The following SNTB1 variants were observed in gnomAD, a reference collection of about 807,000 sequenced individuals.
SNTB1 encodes the protein beta-1-syntrophin.
SNTB1 carries 36 observed loss-of-function variants against 48.9 expected under a neutral mutation model. That is an observed-to-expected ratio of 0.74 (90% CI 0.56 to 0.97). The LOEUF (loss-of-function observed/expected upper bound fraction) is 0.97. Ranked by LOEUF, SNTB1 falls within the 50% of genes least tolerant of loss-of-function variation. The pLI is 0.00. For synonymous variants in SNTB1, 299 were observed against 294.6 expected (o/e 1.01, Z -0.15); for missense variants, 786 against 703.4 (o/e 1.12, Z -1.33).
chr8:120,633,747 C>T (rs1177247314), intron 2 of SNTB1, among the ~76,000 whole-genome samples: 1 of 152,154 alleles, frequency 6.6e-6, no homozygotes, highest in Non-Finnish European at 1.5e-5. Context: ...AAATTCTCAA[C>T]AGATACTTTA....
At chr8:120,767,611 A>G (rs889031350) in intron 1 of SNTB1, among the ~76,000 whole-genome samples, 1 of 152,182 alleles carries the variant, frequency 6.6e-6, no homozygotes, top group Non-Finnish European at 1.5e-5. Context: ...TCTGACACTC[A>G]TTACTGTGAG....
intron 1 of SNTB1, among the ~76,000 whole-genome samples, chr8:120,763,121 G>C (rs1451725492): frequency 1.3e-5 from 2 of 152,260 alleles, no homozygotes; most frequent in Admixed American, 1.3e-4. Context: ...CAATTTATAT[G>C]ATTTCCATTA....
intron 1 of SNTB1, among the ~76,000 whole-genome samples, chr8:120,794,118 A>G (rs577407569): frequency 6.6e-6 from 1 of 152,150 alleles, no homozygotes; most frequent in African/African-American, 2.4e-5. Flanking sequence ...ATGGGCAGAG[A>G]TGGTGAATTC....
At chr8:120,581,701 A>G (rs1035685690) in intron 3 of SNTB1, among the ~76,000 whole-genome samples, 6 of 152,196 alleles carry the variant, frequency 3.9e-5, no homozygotes, top group African/African-American at 1.4e-4. Flanking sequence ...GGCAAGAAAA[A>G]TATGGTCTGA....
intron 2 of SNTB1, among the ~76,000 whole-genome samples, chr8:120,677,212 CT>C (rs2129805230): frequency 6.6e-6 from 1 of 152,286 alleles, no homozygotes; most frequent in Admixed American, 6.5e-5. Context: ...GCTCATGCAC[CT>C]TGTTTTATTT....
At chr8:120,550,413 G>T (rs1815460075) in intron 4 of SNTB1, among the ~76,000 whole-genome samples, 1 of 152,030 alleles carries the variant, frequency 6.6e-6, no homozygotes, top group African/African-American at 2.4e-5. Context: ...ATGGTGGCAT[G>T]CACCTGTAGT....
intron 1 of SNTB1, among the ~76,000 whole-genome samples, chr8:120,694,675 C>G (rs1029988319): frequency 1.3e-5 from 2 of 151,530 alleles, no homozygotes; most frequent in Non-Finnish European, 2.9e-5. Flanking sequence ...AAGGAGAAAG[C>G]AAAGCATATA....
chr8:120,784,625 G>C (rs1182652248), intron 1 of SNTB1, among the ~76,000 whole-genome samples: 1 of 152,138 alleles, frequency 6.6e-6, no homozygotes, highest in East Asian at 1.9e-4. Flanking sequence ...GAATATTCTT[G>C]GTGTGGAATG....
chr8:120,636,375 G>A (rs1470156896), intron 2 of SNTB1, among the ~76,000 whole-genome samples: 9 of 134,322 alleles, frequency 6.7e-5, no homozygotes, highest in African/African-American at 1.4e-4. Flanking sequence ...TATATCTCCC[G>A]ATGCTATCCC....
chr8:120,760,182 T>C (rs1210801839), intron 1 of SNTB1, among the ~76,000 whole-genome samples: 1 of 151,624 alleles, frequency 6.6e-6, no homozygotes, highest in Non-Finnish European at 1.5e-5. Context: ...TGGTAATGCC[T>C]GAAAACATGC....
At chr8:120,629,580 A>G (rs1816945247) in intron 3 of SNTB1, among the ~76,000 whole-genome samples, 1 of 152,214 alleles carries the variant, frequency 6.6e-6, no homozygotes, top group South Asian at 2.1e-4. Context: ...GCATCGTATT[A>G]AGGATTTGCC....
chr8:120,770,010 C>T (rs551791646), intron 1 of SNTB1, among the ~76,000 whole-genome samples: 24 of 152,310 alleles, frequency 1.6e-4, no homozygotes, highest in Non-Finnish European at 3.1e-4. Flanking sequence ...CTCTGCTACA[C>T]GTAGTTCTTC....
At chr8:120,590,675 CTTTTCTTTTCT>C (rs1816225047) in intron 3 of SNTB1, among the ~76,000 whole-genome samples, 2 of 139,032 alleles carry the variant, frequency 1.4e-5, no homozygotes, top group African/African-American at 3.0e-5. Flanking sequence ...CTTTTGTTTT[CTTTTCTTTTCT>C]TTTTTTTTTT....
rs545043115 is a variant in SNTB1 at position 120,705,222 on chromosome 8, T to C, written c.572-11314A>G. ...CCTGGGGTCCAATTCCAAGCTCTTC[T>C]ATTGCCTAGCTCTGTGGTCATGAGC... On this transcript the variant is annotated intron_variant, in intron 1 of 6. Transcript: ENST00000517992. 3.9e-5 allele frequency among the ~76,000 whole-genome samples: 6 copies of C among 152,360 alleles called. No homozygotes were observed. The South Asian group carries it at 1.2e-3, about 32-fold the overall frequency.
intron 1 of SNTB1, among the ~76,000 whole-genome samples, chr8:120,732,657 C>G (rs970460344): frequency 6.6e-6 from 1 of 152,120 alleles, no homozygotes; most frequent in African/African-American, 2.4e-5. Context: ...CCAGCCTGGC[C>G]AACATGGGGA....
chr8:120,596,065 C>T (rs1816317803), intron 3 of SNTB1, among the ~76,000 whole-genome samples: 1 of 152,188 alleles, frequency 6.6e-6, no homozygotes, highest in Non-Finnish European at 1.5e-5. Flanking sequence ...TGCCCCTGCC[C>T]ATGTTCAATG....
chr8:120,651,165 A>G (rs1471530091), intron 2 of SNTB1, among the ~76,000 whole-genome samples: 1 of 152,182 alleles, frequency 6.6e-6, no homozygotes, highest in African/African-American at 2.4e-5. Context: ...TGAAGCATGG[A>G]GAGTCCTCCA....
chr8:120,576,031 C>G (rs1815945134), intron 3 of SNTB1, among the ~76,000 whole-genome samples: 1 of 152,206 alleles, frequency 6.6e-6, no homozygotes, highest in African/African-American at 2.4e-5. Flanking sequence ...TAGGATACAT[C>G]TTTAAGCTCG....
Position 120,615,526 on chromosome 8 carries a change from A to G in SNTB1, c.996+16918T>C, listed in dbSNP as rs567165952. 1.3e-4 allele frequency among the ~76,000 whole-genome samples: 20 copies of G among 152,322 alleles called. No individual in the cohort carries two copies. In the South Asian group the frequency reaches 4.1e-3, roughly 32 times the overall value. ...CCCTTTGCAGAACCCACAGGGCTTCATGGTTGTCAATTTGCCTTTCTGCTT... is the reference window on the plus strand; with the variant it reads ...CCCTTTGCAGAACCCACAGGGCTTCGTGGTTGTCAATTTGCCTTTCTGCTT... On this transcript the variant is annotated intron_variant, in intron 3 of 6. Coordinates refer to ENST00000517992, the MANE Select transcript of SNTB1 (RefSeq NM_021021.4).
Sources: gnomAD v4.1 joint callset for allele counts (sites outside exome capture counted in the v4.1 genomes callset) on GRCh38, gnomAD v4.1.1 for gene constraint, MANE v1.5 for transcripts, NCBI Gene and HGNC (gene_info 2026-07-23, HGNC 2026-07-21) for gene names.